Variants in SGCZ observed in about 807,000 individuals in gnomAD.
The protein encoded by SGCZ is zeta-sarcoglycan.
Under a neutral mutation model 41.3 loss-of-function variants are expected in SGCZ, and 40 were observed. The ratio of observed to expected loss-of-function variants is 0.97; its 90% CI spans 0.75 to 1.26. The LOEUF (loss-of-function observed/expected upper bound fraction) is 1.26, where lower values mean the gene tolerates loss of function less well. Among genes scored for constraint, SGCZ ranks in the 50% most tolerant of loss-of-function variants. The pLI is 0.00. For synonymous variants in SGCZ, 206 were observed against 137.5 expected (o/e 1.50, Z -3.49); for missense variants, 552 against 369.8 (o/e 1.49, Z -4.04).
chr8:15,097,858 GTGTGTGTGTATATAT>G (rs1806425699), intron 1 of SGCZ, among the ~76,000 whole-genome samples: 1 of 3,918 alleles, frequency 2.6e-4, no homozygotes, highest in Non-Finnish European at 7.7e-4. Context: ...ATATATATAC[GTGTGTGTGTATATAT>G]ATATATATAC....
At chr8:14,206,957 T>C (rs184633256) in intron 4 of SGCZ, among the ~76,000 whole-genome samples, 247 of 152,310 alleles carry the variant, frequency 1.6e-3, no homozygotes, top group African/African-American at 5.4e-3. Context: ...GAATGACTTA[T>C]GTCACTTAGC....
chr8:14,751,958 A>C (rs1054034180), intron 1 of SGCZ, among the ~76,000 whole-genome samples: 3 of 151,838 alleles, frequency 2.0e-5, no homozygotes, highest in African/African-American at 7.3e-5. Flanking sequence ...AACAAAAAAA[A>C]AAAACACCTT....
chr8:14,746,517 C>G (rs1016013296), intron 1 of SGCZ, among the ~76,000 whole-genome samples: 3 of 152,070 alleles, frequency 2.0e-5, no homozygotes, highest in Non-Finnish European at 2.9e-5. Flanking sequence ...CTCATTCACT[C>G]TCTCCCCTCC....
intron 2 of SGCZ, among the ~76,000 whole-genome samples, chr8:14,531,533 C>T (rs962885420): frequency 3.3e-5 from 5 of 152,012 alleles, no homozygotes; most frequent in African/African-American, 9.7e-5. Flanking sequence ...AAAGGAAAGA[C>T]GCGAGATTTC....
rs539414067 is a variant in SGCZ at position 15,169,396 on chromosome 8, T to C, written c.39+68189A>G. ...TCCTGTGTGGAATCAGGGATTCCAATAGCGGGTAGGAAACTCTCTAGCAGG... is the reference window on the plus strand; with the variant it reads ...TCCTGTGTGGAATCAGGGATTCCAACAGCGGGTAGGAAACTCTCTAGCAGG... On this transcript the variant is annotated intron_variant, in intron 1 of 7. Coordinates refer to ENST00000382080, the MANE Select transcript of SGCZ (RefSeq NM_139167.4). Among the ~76,000 whole-genome samples, 6 of 152,276 alleles carry C rather than the reference T, an allele frequency of 3.9e-5. No individual in the cohort carries two copies. In the South Asian group the frequency reaches 1.0e-3, roughly 26 times the overall value.
chr8:15,211,225 A>T (rs1245137942), intron 1 of SGCZ, among the ~76,000 whole-genome samples: 1 of 151,714 alleles, frequency 6.6e-6, no homozygotes, highest in Non-Finnish European at 1.5e-5. Flanking sequence ...ACATACTCAC[A>T]TACTTCAAGT....
chr8:14,116,658 G>A (rs1358259565), intron 5 of SGCZ, among the ~76,000 whole-genome samples: 1 of 152,020 alleles, frequency 6.6e-6, no homozygotes, highest in Non-Finnish European at 1.5e-5. Flanking sequence ...TTTACCTTTT[G>A]TTGCTCAAGG....
At chr8:14,952,212 T>C (rs1800662729) in intron 1 of SGCZ, among the ~76,000 whole-genome samples, 1 of 152,184 alleles carries the variant, frequency 6.6e-6, no homozygotes, top group African/African-American at 2.4e-5. Flanking sequence ...ATTACTGTTT[T>C]GTTATGTCAC....
At chr8:14,165,694 G>C (rs1175384617) in intron 4 of SGCZ, among the ~76,000 whole-genome samples, 1 of 152,076 alleles carries the variant, frequency 6.6e-6, no homozygotes, top group Non-Finnish European at 1.5e-5. Flanking sequence ...AGGGAAGTAG[G>C]AATCACACAT....
intron 1 of SGCZ, among the ~76,000 whole-genome samples, chr8:15,123,935 G>C (rs1807579270): frequency 6.6e-6 from 1 of 152,196 alleles, no homozygotes; most frequent in South Asian, 2.1e-4. Context: ...CTACAAAAGA[G>C]GGAAGGGTGG....
chr8:14,584,519 G>A (rs944699421), intron 1 of SGCZ, among the ~76,000 whole-genome samples: 11 of 152,068 alleles, frequency 7.2e-5, no homozygotes, highest in Non-Finnish European at 1.3e-4. Flanking sequence ...ATTGACATAA[G>A]GAACACAGGG....
At chr8:14,533,057 C>CAT (rs940428917) in intron 2 of SGCZ, among the ~76,000 whole-genome samples, 17 of 151,930 alleles carry the variant, frequency 1.1e-4, no homozygotes, top group African/African-American at 4.1e-4. Flanking sequence ...AGGTTTGTTA[C>CAT]ATATATATAC....
intron 1 of SGCZ, among the ~76,000 whole-genome samples, chr8:14,587,337 G>T (rs1436713082): frequency 1.3e-5 from 2 of 150,892 alleles, no homozygotes; most frequent in Non-Finnish European, 2.9e-5. Flanking sequence ...TTCCACGAAT[G>T]TGTTAATATG....
intron 3 of SGCZ, among the ~76,000 whole-genome samples, chr8:14,253,243 GGTGT>G (rs10681510): frequency 8.9e-4 from 133 of 148,748 alleles, no homozygotes; most frequent in South Asian, 1.9e-3. Context: ...TTGTGTGTAG[GGTGT>G]GTGTGTGTGT....
intron 2 of SGCZ, among the ~76,000 whole-genome samples, chr8:14,457,823 T>C (rs1249550354): frequency 2.6e-5 from 4 of 152,180 alleles, no homozygotes. Context: ...CTGCCCCTTC[T>C]GCCTTGTATC....
chr8:14,408,952 AGTGTGTGTGTGTGTGTGTGCATGTGTGC>A (rs1401541494), intron 2 of SGCZ, among the ~76,000 whole-genome samples: 1 of 149,452 alleles, frequency 6.7e-6, no homozygotes, highest in Non-Finnish European at 1.5e-5. Flanking sequence ...AAATTAAGAG[AGTGTGTGTGTGTGTGTGTGCATGTGTGC>A]GTGTGTGTGT....
intron 1 of SGCZ, among the ~76,000 whole-genome samples, chr8:15,211,369 T>C (rs2117160688): frequency 1.3e-5 from 2 of 152,258 alleles, no homozygotes; most frequent in East Asian, 3.9e-4. Context: ...CCCAATGTGC[T>C]TTCTGTGTTT....
chr8:14,922,937 A>G (rs1018550663), intron 1 of SGCZ, among the ~76,000 whole-genome samples: 5 of 152,246 alleles, frequency 3.3e-5, no homozygotes, highest in African/African-American at 4.8e-5. Flanking sequence ...ACATTTTCTC[A>G]TAAAGTTTTC....
chr8:14,789,237 T>A (rs1036528896), intron 1 of SGCZ, among the ~76,000 whole-genome samples: 1 of 152,256 alleles, frequency 6.6e-6, no homozygotes, highest in African/African-American at 2.4e-5. Context: ...AGTGTGATAC[T>A]AAATATACCA....
Sources: allele counts gnomAD v4.1 joint callset (sites outside exome capture counted in the v4.1 genomes callset), GRCh38; gene constraint gnomAD v4.1.1; transcripts MANE v1.5; gene names NCBI Gene and HGNC (gene_info 2026-07-23, HGNC 2026-07-21).